Variants in RPP40 observed in about 807,000 individuals in gnomAD.
The protein encoded by RPP40 is ribonuclease P/MRP subunit p40.
Under a neutral mutation model 42.5 loss-of-function variants are expected in RPP40, and 30 were observed. The ratio of observed to expected loss-of-function variants is 0.71; its 90% CI spans 0.53 to 0.96. The LOEUF is 0.96. Among genes scored for constraint, RPP40 ranks in the 40% least tolerant of loss-of-function variants. The pLI is 0.00. For missense variants in RPP40, 426 were observed against 433.5 expected, an observed-to-expected ratio of 0.98 and a Z score of 0.15; for synonymous variants, 173 against 164.0, an observed-to-expected ratio of 1.05 and a Z score of -0.42.
intron 3 of RPP40, 113 bp from the exon 4 acceptor site, chr6:5,000,017 C>G: frequency 1.6e-6 from 1 of 629,522 alleles, no homozygotes; most frequent in East Asian, 2.6e-5. Context: ...AAACTGCATA[C>G]AAGGATCTTA....
chr6:4,999,711 CA>C (rs1405855677), intron 4 of RPP40, 97 bp downstream of exon 4: 1 of 710,534 alleles, frequency 1.4e-6, no homozygotes, highest in Non-Finnish European at 2.5e-6. Flanking sequence ...TTTAAAAGGC[CA>C]CATTTTTTTG....
chr6:4,996,230 A>G lies in RPP40; in HGVS notation c.750T>C (p.Asn250=), dbSNP rs141040751. 4.4e-5 allele frequency: 71 copies of G among 1,613,820 alleles called. No homozygotes were observed. In the African/African-American group the frequency reaches 7.3e-4, roughly 17 times the overall value. The change falls in exon 6 of 8, where the codon AAT becomes AAC. Residue 250 remains asparagine (N), a synonymous_variant. Transcript: ENST00000380051. ...LFDWLGAVFS[N]VDLNNEPNNF... is the part of the protein sequence containing the mutation. Reference sequence around the variant, plus strand: ...GGAGTTCAGATACCCACAGGTCGACATTACTGAAGACGGCGCCGAGCCAGT... The same window carrying G: ...GGAGTTCAGATACCCACAGGTCGACGTTACTGAAGACGGCGCCGAGCCAGT...
Position 4,996,292 on chromosome 6 carries a change from T to C in RPP40, c.688A>G (p.Thr230Ala). 1.2e-6 allele frequency: 2 copies of C among 1,614,124 alleles called. No homozygotes were observed. Among genetic ancestry groups the C allele is most frequent in the Non-Finnish European group, 1.7e-6 (2 of 1,180,026 alleles). Reference protein sequence around the residue: ...PVLQSSELEGTPEVSCRALEL... With the variant: ...PVLQSSELEGAPEVSCRALEL... ...AGAGCCCGGCAGGACACCTCTGGCG[T>C]TCCCTCCAGCTCGCTGCTCTGCAGC... Residue 230 changes from threonine to alanine, a missense_variant, in exon 6 of 8, where the codon ACG (threonine) becomes GCG (alanine). Thr to Ala is a moderately conservative substitution (Grantham distance 58). Coordinates refer to ENST00000380051, the MANE Select transcript of RPP40 (RefSeq NM_006638.4).
rs977750458 is a variant in RPP40, at chr6:5,003,774, G to A, written c.123+106C>T. The A allele has an allele frequency of 1.0e-5, 14 of 1,359,132 alleles. No homozygotes were observed. The Admixed American group carries it at 2.5e-4, about 25-fold the overall frequency. 84.2% of individuals were successfully genotyped at this position (1,359,132 alleles called of 1,614,324 possible). The stretch of plus-strand genomic sequence containing the variant: ...AGCCGGGCGAGGGCCCCGCCCCTCC[G>A]CGTACCGCCGGCGGCCCCGCCCCGC... On this transcript the variant is annotated intron_variant, in intron 1 of 7. Transcript: ENST00000380051.
At chr6:5,003,786 C>G in intron 1 of RPP40, 94 bp downstream of exon 1, 1 of 1,429,186 alleles carries the variant, frequency 7.0e-7, no homozygotes, top group Non-Finnish European at 9.3e-7. Context: ...GTACCGCCGG[C>G]GGCCCCGCCC....
Position 4,994,748 on chromosome 6 carries a change from A to AAGTT in RPP40, c.*326_*329dup. 4.2e-6 allele frequency: 1 copy of AAGTT among 240,428 alleles called. No individual in the cohort carries two copies. Among genetic ancestry groups the AAGTT allele is most frequent in the Non-Finnish European group, 8.1e-6 (1 of 123,784 alleles). 14.9% of individuals were successfully genotyped at this position (240,428 alleles called of 1,614,324 possible). A position where few individuals can be genotyped will look rare whatever the true frequency, so the allele number is the denominator to read the frequency against. On this transcript the variant is annotated 3_prime_UTR_variant, in exon 8 of 8. Transcript: ENST00000380051. ...TGAGATTTCTTTTTATTATCTGAAA[A>AAGTT]AGTTGTAATGAACAAAATATATCTC...
chr6:4,997,641 C>T (rs1421842323), intron 5 of RPP40, among the ~76,000 whole-genome samples: 1 of 151,748 alleles, frequency 6.6e-6, no homozygotes, highest in African/African-American at 2.4e-5. Flanking sequence ...TAATAAATCT[C>T]CTCTCATCCA....
chr6:5,001,986 C>T (rs1357148898), intron 2 of RPP40, 115 bp downstream of exon 2: 5 of 895,564 alleles, frequency 5.6e-6, no homozygotes, highest in South Asian at 1.8e-5. Flanking sequence ...CACCTGACCA[C>T]ACAGACTATA....
At chr6:4,996,527 A>G in intron 5 of RPP40, 107 bp from the exon 6 acceptor site, 1 of 991,530 alleles carries the variant, frequency 1.0e-6, no homozygotes, top group African/African-American at 1.6e-5. Flanking sequence ...AGATTGAGTA[A>G]GATGGAAGCT....
chr6:5,000,568 G>T lies in RPP40; in HGVS notation c.332C>A (p.Pro111Gln). The T allele has an allele frequency of 2.0e-6, 3 of 1,494,990 alleles. No individual in the cohort carries two copies. Among genetic ancestry groups the T allele is most frequent in the Non-Finnish European group, 2.8e-6 (3 of 1,080,462 alleles). 92.6% of individuals were successfully genotyped at this position (1,494,990 alleles called of 1,614,324 possible). ...ATGAAAAAATAAAGTGTTACCATTT[G>T]GTAGCAGGGCAACAGTATTATCTTC... ...IDEDNTVALL[P>Q]NGKLILSLDK... The change falls in exon 3 of 8, where the codon CCA becomes CAA. Residue 111 changes from proline to glutamine, a missense_variant. Physicochemically the swap from Pro to Gln is moderately conservative, Grantham distance 76. Transcript: ENST00000380051.
At chr6:4,998,874 T>C in intron 4 of RPP40, 33 bp from the exon 5 acceptor site, 7 of 1,311,062 alleles carry the variant, frequency 5.3e-6, no homozygotes, top group Non-Finnish European at 7.3e-6. Context: ...ATATATTTCA[T>C]TCATATACGT....
intron 3 of RPP40, 149 bp from the exon 4 acceptor site, chr6:5,000,053 G>A: frequency 1.8e-6 from 1 of 551,960 alleles, no homozygotes; most frequent in Non-Finnish European, 3.3e-6. Flanking sequence ...TATTATTTAT[G>A]TGTATACATG....
chr6:4,992,523 C>T (rs9502260), downstream of RPP40, among the ~76,000 whole-genome samples: 18,540 of 152,186 alleles, frequency 0.12, 1,431 homozygotes, highest in Non-Finnish European at 0.16. Context: ...TTAATATAGC[C>T]ACTTCAATTT....
At chr6:4,998,686 C>G (rs1759453592) in intron 5 of RPP40, 30 bp downstream of exon 5, 1 of 1,433,326 alleles carries the variant, frequency 7.0e-7, no homozygotes, top group African/African-American at 1.5e-5. Flanking sequence ...TTCAAAATCA[C>G]TGTATCATTA....
At position 4,998,900 on chromosome 6, in the gene RPP40, G is replaced by GA; in HGVS notation, c.434-60dup. The GA allele has an allele frequency of 1.0e-5, 11 of 1,086,956 alleles. No homozygotes were observed. In the South Asian group the frequency reaches 2.7e-4, roughly 27 times the overall value. 67.3% of individuals were successfully genotyped at this position (1,086,956 alleles called of 1,614,324 possible). Reference sequence around the variant, plus strand: ...TCATATACGTACAGCTTCTACCATGGAAAAAGTGTTACATTTTTAAAAACT... The same window carrying GA: ...TCATATACGTACAGCTTCTACCATGGAAAAAAGTGTTACATTTTTAAAAACT... On this transcript the variant is annotated intron_variant, in intron 4 of 7. Transcript: ENST00000380051.
downstream of RPP40, among the ~76,000 whole-genome samples, chr6:4,991,664 G>C (rs6597104): frequency 0.98 from 148,981 of 152,314 alleles, 72,912 homozygotes; most frequent in East Asian, 1. Flanking sequence ...TGAAGTTCTA[G>C]TTGTTCTTGC....
At chr6:4,997,620 A>T (rs1438414610) in intron 5 of RPP40, among the ~76,000 whole-genome samples, 1 of 152,308 alleles carries the variant, frequency 6.6e-6, no homozygotes, top group East Asian at 1.9e-4. Context: ...TAACTGCATG[A>T]TCAATTTCCC....
At position 5,000,848 on chromosome 6, in the gene RPP40, A is replaced by ATGCAGAAGACCAAGCT. The variant is rs1561746660; in HGVS notation, c.269-218_269-217insAGCTTGGTCTTCTGCA. On this transcript the variant is annotated intron_variant, in intron 2 of 7. Coordinates refer to ENST00000380051, the MANE Select transcript of RPP40 (RefSeq NM_006638.4). ...AGACCAAGCATGCAGAAGACCAAGC[A>ATGCAGAAGACCAAGCT]TGCAGAAGACCAAGCATGCAGAAGA... Among the ~76,000 whole-genome samples the ATGCAGAAGACCAAGCT allele has an allele frequency of 4.8e-5, 7 of 146,512 alleles. 1 individual carries two copies. Among genetic ancestry groups the ATGCAGAAGACCAAGCT allele is most frequent in the African/African-American group, 1.6e-4 (6 of 38,004 alleles).
chr6:4,999,291 A>ATTTTTTT (rs145562587), intron 4 of RPP40, among the ~76,000 whole-genome samples: 1 of 84,282 alleles, frequency 1.2e-5, no homozygotes, highest in African/African-American at 4.6e-5. Context: ...AGTACTTGGA[A>ATTTTTTT]TTTTTTTTTT....
Sources: gnomAD v4.1 joint callset for allele counts (sites outside exome capture counted in the v4.1 genomes callset) on GRCh38, gnomAD v4.1.1 for gene constraint, MANE v1.5 for transcripts, NCBI Gene and HGNC (gene_info 2026-07-23, HGNC 2026-07-21) for gene names.